The following PCBP3 variants were observed in gnomAD, a reference collection of about 807,000 sequenced individuals.
The protein encoded by PCBP3 is poly(rC) binding protein 3.
A neutral mutation model predicts 52.7 loss-of-function variants in PCBP3; 25 were observed. That is an observed-to-expected ratio of 0.47 (90% CI 0.35 to 0.66). The LOEUF is 0.66. PCBP3 is among the 30% of genes least tolerant of loss of function. PCBP3 has a pLI of 0.01. For synonymous variants in PCBP3, 162 were observed against 183.0 expected, an observed-to-expected ratio of 0.89 and a Z score of 0.93; for missense variants, 391 against 490.3, an observed-to-expected ratio of 0.80 and a Z score of 1.91.
Position 45,935,265 on chromosome 21 carries a change from G to C in PCBP3, c.869G>C (p.Ser290Thr). The C allele has an allele frequency of 6.2e-7, 1 of 1,612,772 alleles. No individual in the cohort carries two copies. The highest frequency in any genetic ancestry group is 8.5e-7 in the Non-Finnish European group (1 of 1,179,490). Residue 290 changes from serine (S) to threonine (T), a missense_variant, in exon 16 of 18, where the codon AGC (serine) becomes ACC (threonine). By Grantham distance (58) the Ser-to-Thr change is moderately conservative (BLOSUM62 1). Transcript: ENST00000681687. ...LMGQSSGLDASPPASTHELTI... is the reference protein window; with the variant it reads ...LMGQSSGLDATPPASTHELTI... ...TTGGTATACCCAGGTCTGGACGCCAGCCCACCGGCCAGCACTCATGAGCTC... is the reference window on the plus strand; with the variant it reads ...TTGGTATACCCAGGTCTGGACGCCACCCCACCGGCCAGCACTCATGAGCTC...
rs1439506626 is a variant in PCBP3 at position 45,942,248 on chromosome 21, A to C, written c.*542A>C. The C allele has an allele frequency of 6.6e-6, 1 of 152,118 alleles. No homozygotes were observed. The highest frequency in any genetic ancestry group is 2.4e-5 in the African/African-American group (1 of 41,382). The allele number at this position is 152,118 out of a possible 1,614,324, so 9.4% of individuals were successfully genotyped here. On this transcript the variant is annotated 3_prime_UTR_variant, in exon 18 of 18. Coordinates refer to ENST00000681687, the MANE Select transcript of PCBP3 (RefSeq NM_001384156.1). ...CACCCATGGGGAGCGCCAGGAGAGG[A>C]GGGTCATGGAGGATGTTGGGGCTCT... is the stretch of plus-strand genomic sequence containing the variant.
chr21:45,754,719 G>A (rs2087866743), intron 3 of PCBP3, among the ~76,000 whole-genome samples: 1 of 152,154 alleles, frequency 6.6e-6, no homozygotes, highest in Non-Finnish European at 1.5e-5. Flanking sequence ...CCTCTGGGTT[G>A]AAATTCTGGG....
intron 2 of PCBP3, among the ~76,000 whole-genome samples, chr21:45,669,276 T>C (rs2080995482): frequency 1.3e-5 from 2 of 152,160 alleles, no homozygotes; most frequent in African/African-American, 4.8e-5. Flanking sequence ...CACCAATTCT[T>C]TCTTCAGCAG....
At chr21:45,919,858 C>T (rs887967817) in intron 13 of PCBP3, among the ~76,000 whole-genome samples, 7 of 152,098 alleles carry the variant, frequency 4.6e-5, no homozygotes, top group Non-Finnish European at 2.9e-5. Flanking sequence ...TGCGCGTCCC[C>T]GTGCATGTGT....
At chr21:45,898,319 GCACA>G (rs2095888295) in intron 6 of PCBP3, among the ~76,000 whole-genome samples, 2 of 71,502 alleles carry the variant, frequency 2.8e-5, no homozygotes, top group Non-Finnish European at 2.8e-5. Flanking sequence ...GTCTCCCTCT[GCACA>G]CCGTCCTCAC....
At chr21:45,713,351 C>T (rs1321718339) in intron 2 of PCBP3, among the ~76,000 whole-genome samples, 1 of 152,176 alleles carries the variant, frequency 6.6e-6, no homozygotes, top group East Asian at 1.9e-4. Context: ...GTTTATGCTC[C>T]AGACAAACCG....
intron 16 of PCBP3, among the ~76,000 whole-genome samples, chr21:45,937,018 C>T (rs780376819): frequency 5.3e-5 from 8 of 152,158 alleles, no homozygotes; most frequent in Admixed American, 1.3e-4. Context: ...TCACCAGCAC[C>T]CCCAGATTTT....
intron 4 of PCBP3, 40 bp from the exon 5 acceptor site, chr21:45,849,921 C>A: frequency 1.5e-6 from 1 of 676,982 alleles, no homozygotes; most frequent in Non-Finnish European, 2.7e-6. Flanking sequence ...AGAGGCCCTG[C>A]ACTGGTGCGC....
At chr21:45,872,112 GGA>G (rs1271878567) in intron 5 of PCBP3, 2 of 152,366 alleles carry the variant, frequency 1.3e-5, no homozygotes, top group East Asian at 3.9e-4. Flanking sequence ...TAAGTGAGCT[GGA>G]GAGGGGTGTG....
At chr21:45,674,936 C>A (rs1221492805) in intron 2 of PCBP3, among the ~76,000 whole-genome samples, 1 of 152,156 alleles carries the variant, frequency 6.6e-6, no homozygotes, top group Non-Finnish European at 1.5e-5. Context: ...TTCTCTTGGA[C>A]ATGCCCCCAC....
In PCBP3 at chr21:45,827,560, T is replaced by C. The variant is rs1365626181; in HGVS notation, c.-125-22401T>C. Among the ~76,000 whole-genome samples, 1 of 151,986 alleles carries C rather than the reference T, an allele frequency of 6.6e-6. No homozygotes were observed. The highest frequency in any genetic ancestry group is 1.5e-5 in the Non-Finnish European group (1 of 67,986). ...CTCTACACAGTGAGGAAGTGGAAAGTCTCAGCCAAGCGAAGACGGAGGGCC... is the reference window on the plus strand; with the variant it reads ...CTCTACACAGTGAGGAAGTGGAAAGCCTCAGCCAAGCGAAGACGGAGGGCC... On this transcript the variant is annotated intron_variant, in intron 4 of 17. Coordinates refer to ENST00000681687, the MANE Select transcript of PCBP3 (RefSeq NM_001384156.1). This position sits in a 1 kb window ranked among gnomAD's most constrained non-coding sequence, Gnocchi z 4.3.
rs572815026 is a variant in PCBP3, at chr21:45,921,058, C to T, written c.717+3429C>T. Among the ~76,000 whole-genome samples the T allele has an allele frequency of 8.5e-5, 13 of 152,114 alleles. No individual in the cohort carries two copies. The East Asian group carries it at 1.7e-3, about 20-fold the overall frequency. ...GCTTCCATGGTGCTTTTCTTGCAGG[C>T]GTGTAAAATTGAAGACTTGGACAAT... On this transcript the variant is annotated intron_variant, in intron 13 of 17. Transcript: ENST00000681687.
chr21:45,648,362 C>T (rs997556731), intron 1 of PCBP3, among the ~76,000 whole-genome samples: 3 of 152,076 alleles, frequency 2.0e-5, no homozygotes, highest in African/African-American at 4.8e-5. Context: ...ATAATTCAGC[C>T]CAGATAAGCA....
intron 4 of PCBP3, among the ~76,000 whole-genome samples, chr21:45,757,750 G>A (rs868435527): frequency 6.6e-6 from 1 of 152,104 alleles, no homozygotes. Flanking sequence ...GGGATATTCA[G>A]TTGTCACAGC....
intron 4 of PCBP3, among the ~76,000 whole-genome samples, chr21:45,785,692 AG>A (rs2091093507): frequency 6.6e-6 from 1 of 151,970 alleles, no homozygotes; most frequent in Non-Finnish European, 1.5e-5. Context: ...GGAATAGAAA[AG>A]GGGGAAAGGT....
intron 4 of PCBP3, among the ~76,000 whole-genome samples, chr21:45,768,772 G>C (rs2089595593): frequency 6.6e-6 from 1 of 152,190 alleles, no homozygotes; most frequent in Non-Finnish European, 1.5e-5. Flanking sequence ...CTTTCCCAGG[G>C]CGCCATCTGC....
chr21:45,815,372 A>G (rs1284384678), intron 4 of PCBP3, among the ~76,000 whole-genome samples: 22 of 18,468 alleles, frequency 1.2e-3, no homozygotes, highest in Admixed American at 3.1e-3. Flanking sequence ...GTGAGTGATG[A>G]GTGAGTGGTG....
At chr21:45,777,742 C>A (rs1454458351) in intron 4 of PCBP3, among the ~76,000 whole-genome samples, 19 of 151,854 alleles carry the variant, frequency 1.3e-4, no homozygotes. Flanking sequence ...AATGAATCTT[C>A]AGTTCTAGAA....
chr21:45,838,403 A>G (rs1284599603), intron 4 of PCBP3, among the ~76,000 whole-genome samples: 1 of 152,138 alleles, frequency 6.6e-6, no homozygotes. Flanking sequence ...TTGTTCTAAT[A>G]ATAATAATAA....
Sources: gnomAD v4.1 joint callset for allele counts (sites outside exome capture counted in the v4.1 genomes callset) on GRCh38, gnomAD v4.1.1 for gene constraint, Gnocchi (gnomAD v3.1) non-coding constraint, MANE v1.5 for transcripts, NCBI Gene and HGNC (gene_info 2026-07-23, HGNC 2026-07-21) for gene names.